CNBD1: variants seen among roughly 807,000 people sequenced by gnomAD.
CNBD1 encodes the protein cyclic nucleotide binding domain containing 1.
In CNBD1, 71 loss-of-function variants were observed where a neutral mutation model predicts 54.4. The ratio of observed to expected loss-of-function variants is 1.30; its 90% CI spans 1.08 to 1.59. The LOEUF (loss-of-function observed/expected upper bound fraction) is 1.59. Ranked by LOEUF, CNBD1 falls within the 40% of genes most tolerant of loss-of-function variation. The pLI is 0.00. For missense variants in CNBD1, 659 were observed against 518.0 expected, an observed-to-expected ratio of 1.27 and a Z score of -2.64; for synonymous variants, 182 against 170.7, an observed-to-expected ratio of 1.07 and a Z score of -0.51.
intron 10 of CNBD1, among the ~76,000 whole-genome samples, chr8:87,373,232 C>A (rs1810856367): frequency 6.6e-6 from 1 of 151,662 alleles, no homozygotes. Context: ...GATTAATGAC[C>A]AATGATACTT....
At chr8:87,295,295 T>C (rs1387049564) in intron 8 of CNBD1, among the ~76,000 whole-genome samples, 4 of 151,962 alleles carry the variant, frequency 2.6e-5, no homozygotes, top group Non-Finnish European at 1.5e-5. Context: ...TATAGAATAC[T>C]TCAAACATAC....
At chr8:86,954,242 TC>T (rs1443369619) in intron 4 of CNBD1, among the ~76,000 whole-genome samples, 7 of 152,178 alleles carry the variant, frequency 4.6e-5, no homozygotes, top group African/African-American at 1.7e-4. Flanking sequence ...CAACCCCAAT[TC>T]TTTAAAAAAT....
At chr8:87,190,703 A>G (rs879406748) in intron 4 of CNBD1, among the ~76,000 whole-genome samples, 2 of 152,072 alleles carry the variant, frequency 1.3e-5, no homozygotes, top group Admixed American at 6.5e-5. Flanking sequence ...GGCTCTAGAA[A>G]TATATTCACA....
intron 10 of CNBD1, among the ~76,000 whole-genome samples, chr8:87,366,784 A>G (rs113093959): frequency 0.015 from 2,289 of 152,150 alleles, 59 homozygotes; most frequent in African/African-American, 0.049. Flanking sequence ...TTTCTCTGCT[A>G]TGAGGCAGCA....
At chr8:87,229,548 A>G (rs540481403) in intron 5 of CNBD1, among the ~76,000 whole-genome samples, 1 of 152,166 alleles carries the variant, frequency 6.6e-6, no homozygotes, top group East Asian at 1.9e-4. Context: ...TATTTTAATA[A>G]TTTGTCTATA....
rs1333191202 is a variant in CNBD1, at chr8:87,377,627, C to T, written c.1304-4993C>T. ...GCAATAAACATACGTGTGCATGTGTCTTTATAGCAGCATGATTTATAGTCC... is the reference window on the plus strand; with the variant it reads ...GCAATAAACATACGTGTGCATGTGTTTTTATAGCAGCATGATTTATAGTCC... On this transcript the variant is annotated intron_variant, in intron 10 of 10. Coordinates refer to ENST00000518476, the MANE Select transcript of CNBD1 (RefSeq NM_173538.3). 2.7e-5 allele frequency among the ~76,000 whole-genome samples: 4 copies of T among 150,642 alleles called. No individual in the cohort carries two copies. In the South Asian group the frequency reaches 6.3e-4, roughly 24 times the overall value.
chr8:87,428,185 A>G (rs370414039), intron 2 of CNBD1, among the ~76,000 whole-genome samples: 1 of 152,120 alleles, frequency 6.6e-6, no homozygotes, highest in African/African-American at 2.4e-5. Context: ...ACAAAAACAA[A>G]AAACCCAAAT....
intron 2 of CNBD1, among the ~76,000 whole-genome samples, chr8:86,904,500 G>A (rs1808986671): frequency 6.6e-6 from 1 of 151,974 alleles, no homozygotes; most frequent in African/African-American, 2.4e-5. Flanking sequence ...CTGAGGAATA[G>A]ATTTAAAAAA....
chr8:87,110,063 T>A lies in CNBD1; in HGVS notation c.432-95930T>A, dbSNP rs188396027. 9.7e-4 allele frequency among the ~76,000 whole-genome samples: 148 copies of A among 152,298 alleles called. 1 individual carries two copies. The highest frequency in any genetic ancestry group is 1.8e-3 in the Non-Finnish European group (120 of 68,026). On this transcript the variant is annotated intron_variant, in intron 4 of 10. Transcript: ENST00000518476. ...CTGTGCATATTCTTATCTTGGCTAC[T>A]TTTCTTCCCACACACAGTGAATGAA...
At chr8:86,974,113 A>G (rs1331923683) in intron 4 of CNBD1, among the ~76,000 whole-genome samples, 14 of 152,176 alleles carry the variant, frequency 9.2e-5, no homozygotes, top group Admixed American at 9.2e-4. Context: ...ATGTAATTAC[A>G]GTTTTATTTT....
At chr8:87,157,721 A>G (rs1186048690) in intron 4 of CNBD1, among the ~76,000 whole-genome samples, 1 of 152,166 alleles carries the variant, frequency 6.6e-6, no homozygotes, top group African/African-American at 2.4e-5. Context: ...CAAAATCCTG[A>G]GGACTTGGTT....
At chr8:87,384,704 TGGCTCCAGGTATAAGATCATG>T (rs1811149243), downstream of CNBD1, among the ~76,000 whole-genome samples, 1 of 152,168 alleles carries the variant, frequency 6.6e-6, no homozygotes, top group Admixed American at 6.5e-5. Flanking sequence ...CAAATGGGCA[TGGCTCCAGGTATAAGATCATG>T]GGTCCAATAA....
chr8:86,977,408 C>T (rs1808366936), intron 4 of CNBD1, among the ~76,000 whole-genome samples: 1 of 151,990 alleles, frequency 6.6e-6, no homozygotes, highest in South Asian at 2.1e-4. Context: ...CTTCTTTGCT[C>T]CTCAGATTGG....
intron 6 of CNBD1, among the ~76,000 whole-genome samples, chr8:87,281,589 T>G (rs1382007172): frequency 3.5e-5 from 2 of 56,466 alleles, no homozygotes; most frequent in African/African-American, 6.5e-5. Context: ...TATATATATA[T>G]ATATATATAT....
chr8:87,305,064 G>A (rs992686628), intron 8 of CNBD1, among the ~76,000 whole-genome samples: 1 of 151,964 alleles, frequency 6.6e-6, no homozygotes, highest in African/African-American at 2.4e-5. Flanking sequence ...TAAGTTTCTG[G>A]GTACAAGATT....
rs1359515448 is a variant in CNBD1 at position 87,284,873 on chromosome 8, T to C, written c.909+58T>C. 3.2e-6 allele frequency: 4 copies of C among 1,242,788 alleles called. No homozygotes were observed. The East Asian group carries it at 1.0e-4, about 32-fold the overall frequency. The allele number at this position is 1,242,788 out of a possible 1,614,324, so 77.0% of individuals were successfully genotyped here. ...AAATTGGGCATAAACTCAAGCTACA[T>C]TTTGATTCTCTAGACAAAGACAGCT... is the stretch of plus-strand genomic sequence containing the variant. On this transcript the variant is annotated intron_variant, in intron 7 of 10. Coordinates refer to ENST00000518476, the MANE Select transcript of CNBD1 (RefSeq NM_173538.3).
intron 4 of CNBD1, among the ~76,000 whole-genome samples, chr8:87,006,798 A>G (rs1449486295): frequency 6.6e-6 from 1 of 152,222 alleles, no homozygotes; most frequent in Admixed American, 6.5e-5. Context: ...TCCTGCCTTG[A>G]ATGTTTCTCT....
chr8:87,352,367 G>A (rs1233220496), intron 9 of CNBD1, among the ~76,000 whole-genome samples: 1 of 150,930 alleles, frequency 6.6e-6, no homozygotes, highest in Non-Finnish European at 1.5e-5. Context: ...GTAGTCCCAG[G>A]TACTCAGGAG....
chr8:87,330,586 C>T (rs1809803204), intron 8 of CNBD1, among the ~76,000 whole-genome samples: 1 of 152,012 alleles, frequency 6.6e-6, no homozygotes, highest in Non-Finnish European at 1.5e-5. Flanking sequence ...AAAATATTTT[C>T]AGTTGTTCTG....
Sources: gnomAD v4.1 joint callset for allele counts (sites outside exome capture counted in the v4.1 genomes callset) on GRCh38, gnomAD v4.1.1 for gene constraint, MANE v1.5 for transcripts, NCBI Gene and HGNC (gene_info 2026-07-23, HGNC 2026-07-21) for gene names.